PLCB4: variants seen among roughly 807,000 people sequenced by gnomAD.
PLCB4 encodes phospholipase C beta 4.
A neutral mutation model predicts 178.8 loss-of-function variants in PLCB4; 77 were observed. The ratio of observed to expected loss-of-function variants is 0.43; its 90% CI spans 0.36 to 0.52. PLCB4 has a LOEUF of 0.52. Ranked by LOEUF, PLCB4 falls within the 20% of genes least tolerant of loss-of-function variation. The probability of loss-of-function intolerance (pLI) is 0.00; values close to 1 mark genes in which losing one functional copy is unlikely to be tolerated. For synonymous variants in PLCB4, 496 were observed against 490.8 expected, an observed-to-expected ratio of 1.01 and a Z score of -0.14; for missense variants, 1,024 against 1,453.4, an observed-to-expected ratio of 0.70 and a Z score of 4.80.
intron 2 of PLCB4, among the ~76,000 whole-genome samples, chr20:9,138,350 A>G (rs533164074): frequency 6.0e-4 from 91 of 152,252 alleles, no homozygotes; most frequent in Non-Finnish European, 9.7e-4. Context: ...CTCTAAAAAT[A>G]TTAGGGGAGT....
intron 2 of PLCB4, among the ~76,000 whole-genome samples, chr20:9,152,963 A>G (rs969003125): frequency 1.3e-5 from 2 of 152,190 alleles, no homozygotes; most frequent in Non-Finnish European, 2.9e-5. Context: ...AAAGGAGATC[A>G]TTTTGGAGCT....
At chr20:9,295,636 T>A (rs2094625200) in intron 3 of PLCB4, among the ~76,000 whole-genome samples, 1 of 152,178 alleles carries the variant, frequency 6.6e-6, no homozygotes, top group African/African-American at 2.4e-5. Context: ...GCTTTCTACA[T>A]ATGGCTAGCC....
intron 4 of PLCB4, among the ~76,000 whole-genome samples, chr20:9,319,757 CT>C (rs1249402366): frequency 6.6e-6 from 1 of 152,210 alleles, no homozygotes; most frequent in Non-Finnish European, 1.5e-5. Context: ...GGCAGATCTT[CT>C]TTATTCATTC....
intron 9 of PLCB4, 165 bp from the exon 10 acceptor site, chr20:9,371,049 G>A: frequency 1.7e-6 from 1 of 595,332 alleles, no homozygotes; most frequent in Non-Finnish European, 3.0e-6. Flanking sequence ...AGGGACACTG[G>A]AGGAACTAGT....
chr20:9,405,409 A>G, intron 21 of PLCB4, 61 bp downstream of exon 21: 4 of 990,816 alleles, frequency 4.0e-6, no homozygotes, highest in Middle Eastern at 2.1e-4. Context: ...AAAATCTTCA[A>G]AGGAAGGAAT....
intron 2 of PLCB4, among the ~76,000 whole-genome samples, chr20:9,203,509 T>C (rs1468756069): frequency 6.6e-6 from 1 of 152,196 alleles, no homozygotes; most frequent in Non-Finnish European, 1.5e-5. Flanking sequence ...CAGATCATTT[T>C]CTCTATATGC....
rs572887310 is a variant in PLCB4 at position 9,096,880 on chromosome 20, G to C, written c.-79+538G>C. 5.3e-5 allele frequency among the ~76,000 whole-genome samples: 8 copies of C among 152,214 alleles called. No individual in the cohort carries two copies. The South Asian group carries it at 1.7e-3, about 32-fold the overall frequency. On this transcript the variant is annotated intron_variant, in intron 2 of 39. Transcript: ENST00000378473. ...TGTAATCCATACAGAGCCTGCAAGA[G>C]GTTTCCAAATTTCATGGAGTGAACT...
intron 2 of PLCB4, among the ~76,000 whole-genome samples, chr20:9,216,622 C>T (rs1053075046): frequency 6.6e-6 from 1 of 152,152 alleles, no homozygotes; most frequent in Non-Finnish European, 1.5e-5. Context: ...GCCTCAGCCT[C>T]CTGAGTAGCT....
chr20:9,367,646 C>T (rs2035896453), intron 9 of PLCB4, among the ~76,000 whole-genome samples: 1 of 152,080 alleles, frequency 6.6e-6, no homozygotes, highest in Admixed American at 6.5e-5. Flanking sequence ...CTTTTTCTTC[C>T]AAGATGAGGT....
chr20:9,209,808 C>T (rs1410502416), intron 2 of PLCB4, among the ~76,000 whole-genome samples: 1 of 151,628 alleles, frequency 6.6e-6, no homozygotes, highest in Non-Finnish European at 1.5e-5. Flanking sequence ...CTAAAAAATA[C>T]AAAAAATTAG....
In PLCB4 at chr20:9,170,580, G is replaced by A. The variant is rs531178715; in HGVS notation, c.-78-46810G>A. Among the ~76,000 whole-genome samples the A allele has an allele frequency of 2.6e-5, 4 of 152,320 alleles. 1 individual carries two copies. The East Asian group carries it at 7.7e-4, about 29-fold the overall frequency. On this transcript the variant is annotated intron_variant, in intron 2 of 39. Coordinates refer to ENST00000378473, the MANE Select transcript of PLCB4 (RefSeq NM_001377142.1). ...GCTGTTTCCTACGAAGATTGTGTTT[G>A]AGGATACAGTAACCTCATCATTTAG...
intron 2 of PLCB4, among the ~76,000 whole-genome samples, chr20:9,217,077 A>G (rs185214942): frequency 1.3e-5 from 2 of 152,340 alleles, no homozygotes; most frequent in East Asian, 3.9e-4. Context: ...ATTTACTTTG[A>G]GAAGGTTTTA....
At chr20:9,411,505 G>A (rs1412291238) in intron 25 of PLCB4, among the ~76,000 whole-genome samples, 1 of 152,148 alleles carries the variant, frequency 6.6e-6, no homozygotes, top group African/African-American at 2.4e-5. Flanking sequence ...GTGTCGAGCT[G>A]AATTTCATTC....
At chr20:9,171,265 T>A (rs1228050223) in intron 2 of PLCB4, among the ~76,000 whole-genome samples, 2 of 152,200 alleles carry the variant, frequency 1.3e-5, no homozygotes, top group East Asian at 3.8e-4. Flanking sequence ...CCCTTTAGAA[T>A]GCTACAAAGA....
chr20:9,324,505 A>T (rs6056542), intron 4 of PLCB4, among the ~76,000 whole-genome samples: 24,153 of 152,110 alleles, frequency 0.16, 3,685 homozygotes, highest in African/African-American at 0.4. Context: ...TGGGGGAAAT[A>T]ATATGAAAAA....
At chr20:9,380,938 T>G (rs1184216338) in intron 13 of PLCB4, among the ~76,000 whole-genome samples, 1 of 152,142 alleles carries the variant, frequency 6.6e-6, no homozygotes, top group Non-Finnish European at 1.5e-5. Flanking sequence ...TAAAATCTAT[T>G]TTTTTCTTTG....
rs75538039 is a variant in PLCB4, at chr20:9,396,932, A to T, written c.1510+1314A>T. Reference sequence around the variant, plus strand: ...TCTTGCCTTGAGTGATCAGGGAGGCAGTTGCCAAAGATTGGGTTGGCTGTG... The same window carrying T: ...TCTTGCCTTGAGTGATCAGGGAGGCTGTTGCCAAAGATTGGGTTGGCTGTG... On this transcript the variant is annotated intron_variant, in intron 19 of 39. Transcript: ENST00000378473. 9.8e-3 allele frequency among the ~76,000 whole-genome samples: 1,487 copies of T among 152,304 alleles called. 22 individuals carry two copies. The highest frequency in any genetic ancestry group is 0.034 in the African/African-American group (1,430 of 41,558).
intron 20 of PLCB4, 72 bp from the exon 21 acceptor site, chr20:9,405,241 G>A: frequency 1.4e-6 from 1 of 720,572 alleles, no homozygotes; most frequent in Non-Finnish European, 2.4e-6. Flanking sequence ...AAATATCTAT[G>A]TATGTATGGC....
chr20:9,148,144 G>A (rs573843463), intron 2 of PLCB4, among the ~76,000 whole-genome samples: 19 of 152,224 alleles, frequency 1.2e-4, no homozygotes, highest in Admixed American at 3.9e-4. Context: ...TAGTTGCATC[G>A]TGTTGGCAGT....
Sources: gnomAD v4.1 joint callset for allele counts (sites outside exome capture counted in the v4.1 genomes callset) on GRCh38, gnomAD v4.1.1 for gene constraint, MANE v1.5 for transcripts, NCBI Gene and HGNC (gene_info 2026-07-23, HGNC 2026-07-21) for gene names.